Variants in WAC observed in about 807,000 individuals in gnomAD.
WAC encodes the protein WW domain containing adaptor with coiled-coil.
In WAC, 11 loss-of-function variants were observed where a neutral mutation model predicts 79.6. That is an observed-to-expected ratio of 0.14 (90% CI 0.09 to 0.23). The LOEUF is 0.23. WAC is among the 10% of genes least tolerant of loss of function. The pLI, the probability that WAC is intolerant of heterozygous loss-of-function variation, is 1.00. For missense variants in WAC, 728 were observed against 773.5 expected, an observed-to-expected ratio of 0.94 and a Z score of 0.70; for synonymous variants, 304 against 276.9, an observed-to-expected ratio of 1.10 and a Z score of -0.97.
intron 9 of WAC, 105 bp from the exon 10 acceptor site, chr10:28,611,669 G>A (rs1841244186): frequency 7.1e-7 from 1 of 1,404,276 alleles, no homozygotes; most frequent in Middle Eastern, 2.1e-4. Context: ...GGGGGTGGGG[G>A]GGTTTAGAGT....
intron 7 of WAC, among the ~76,000 whole-genome samples, chr10:28,607,204 G>C (rs1564415897): frequency 6.6e-6 from 1 of 152,086 alleles, no homozygotes; most frequent in African/African-American, 2.4e-5. Context: ...CATCTGCTTG[G>C]TGTTATGGAT....
chr10:28,556,591 T>C (rs1838010383), intron 3 of WAC, among the ~76,000 whole-genome samples: 1 of 152,112 alleles, frequency 6.6e-6, no homozygotes, highest in Admixed American at 6.5e-5. Flanking sequence ...TTTGCTTTTG[T>C]TGCCTGTGCC....
chr10:28,595,345 A>C (rs1395706962), intron 6 of WAC, among the ~76,000 whole-genome samples: 13 of 152,228 alleles, frequency 8.5e-5, no homozygotes, highest in Admixed American at 7.9e-4. Context: ...GTAGTGTAAA[A>C]GAACGAAGCA....
intron 3 of WAC, among the ~76,000 whole-genome samples, chr10:28,547,665 C>T (rs1382589107): frequency 6.6e-6 from 1 of 151,786 alleles, no homozygotes; most frequent in Non-Finnish European, 1.5e-5. Context: ...AATCATTTAT[C>T]CTTTAATTTT....
intron 4 of WAC, among the ~76,000 whole-genome samples, chr10:28,584,984 C>T (rs563148683): frequency 6.6e-5 from 10 of 152,260 alleles, no homozygotes; most frequent in Admixed American, 3.9e-4. Context: ...AGGAGAATTA[C>T]TTGAACCTGG....
At chr10:28,564,502 G>T (rs1176716166) in intron 3 of WAC, among the ~76,000 whole-genome samples, 1 of 152,142 alleles carries the variant, frequency 6.6e-6, no homozygotes, top group African/African-American at 2.4e-5. Context: ...ATACTGAGGA[G>T]CAGTGACAAA....
chr10:28,613,496 G>T (rs1384638706), intron 10 of WAC, among the ~76,000 whole-genome samples: 4 of 152,072 alleles, frequency 2.6e-5, no homozygotes, highest in Non-Finnish European at 5.9e-5. Context: ...ACCAGACTAA[G>T]ACCCTGTCTG....
intron 3 of WAC, among the ~76,000 whole-genome samples, chr10:28,568,547 A>AT (rs58275883): frequency 5.2e-4 from 77 of 147,172 alleles, no homozygotes; most frequent in East Asian, 3.4e-3. Context: ...TGCCAGGCTA[A>AT]TTTTTTTTTT....
At chr10:28,536,695 G>C (rs1052628111) in intron 3 of WAC, among the ~76,000 whole-genome samples, 1 of 152,152 alleles carries the variant, frequency 6.6e-6, no homozygotes, top group Non-Finnish European at 1.5e-5. Flanking sequence ...AGCTCTTTGT[G>C]GTAGGAGTCT....
intron 3 of WAC, among the ~76,000 whole-genome samples, chr10:28,538,686 T>C (rs966188566): frequency 2.6e-4 from 39 of 151,286 alleles, no homozygotes; most frequent in African/African-American, 9.2e-4. Flanking sequence ...AGCCAGGAGT[T>C]TGAGACTAGC....
intron 7 of WAC, among the ~76,000 whole-genome samples, chr10:28,596,313 G>A (rs2132711934): frequency 6.6e-6 from 1 of 152,272 alleles, no homozygotes; most frequent in South Asian, 2.1e-4. Context: ...ATTTGTTAAA[G>A]TCAAGTAACT....
chr10:28,598,871 A>T (rs1237308509), intron 7 of WAC, among the ~76,000 whole-genome samples: 2 of 152,238 alleles, frequency 1.3e-5, no homozygotes, highest in Non-Finnish European at 2.9e-5. Flanking sequence ...TTAAACTTGT[A>T]GGAAGAAACT....
chr10:28,537,538 C>G (rs1171334321), intron 3 of WAC: 1 of 152,190 alleles, frequency 6.6e-6, no homozygotes, highest in Non-Finnish European at 1.5e-5. Flanking sequence ...GTTATAAATG[C>G]TTTCAATCAT....
At position 28,616,277 on chromosome 10, in the gene WAC, C is replaced by T. The variant is rs765316377; in HGVS notation, c.1661C>T (p.Ser554Leu). 10 of 1,614,008 alleles carry T rather than the reference C, an allele frequency of 6.2e-6. No individual in the cohort carries two copies. The highest frequency in any genetic ancestry group is 8.5e-6 in the Non-Finnish European group (10 of 1,179,952). Residue 554 changes from serine to leucine, a missense_variant, in exon 12 of 14, where the codon TCA becomes TTA. Ser to Leu is a moderately radical substitution (Grantham distance 145). Coordinates refer to ENST00000354911, the MANE Select transcript of WAC (RefSeq NM_016628.5). ...PQNSSARSTCSLTPALAAHFS... is the reference protein window; with the variant it reads ...PQNSSARSTCLLTPALAAHFS... ...AATTCTTCTGCCCGATCCACGTGTTCATTAACGCCTGCACTAGCAGCACAC... is the reference window on the plus strand; with the variant it reads ...AATTCTTCTGCCCGATCCACGTGTTTATTAACGCCTGCACTAGCAGCACAC...
intron 3 of WAC, among the ~76,000 whole-genome samples, chr10:28,572,451 C>CA: frequency 6.6e-6 from 1 of 151,716 alleles, no homozygotes; most frequent in Admixed American, 6.6e-5. Context: ...GCTGAGAAAT[C>CA]AAACATGACC....
rs116762614 is a variant in WAC at position 28,536,263 on chromosome 10, G to A, written c.274+506G>A. 5.9e-3 allele frequency among the ~76,000 whole-genome samples: 887 copies of A among 150,944 alleles called. 10 individuals carry two copies. Among genetic ancestry groups the A allele is most frequent in the African/African-American group, 0.021 (850 of 41,100 alleles). On this transcript the variant is annotated intron_variant, in intron 3 of 13. Transcript: ENST00000354911. ...ACTCCATTAAAAAAAAAAAAAAAGC[G>A]GACTTTAGTGTTTAATAATAAGGGA...
chr10:28,563,719 A>G (rs1231489680), intron 3 of WAC, among the ~76,000 whole-genome samples: 1 of 142,914 alleles, frequency 7.0e-6, no homozygotes, highest in Non-Finnish European at 1.5e-5. Context: ...AGCTGGGACT[A>G]CAAGTGCATG....
chr10:28,559,599 CAAG>C (rs1838197192), intron 3 of WAC, among the ~76,000 whole-genome samples: 3 of 152,138 alleles, frequency 2.0e-5, no homozygotes, highest in Admixed American at 1.3e-4. Flanking sequence ...GACAAGGAAA[CAAG>C]GAGTGGGCTG....
chr10:28,551,417 T>C (rs1837661395), intron 3 of WAC, among the ~76,000 whole-genome samples: 1 of 152,204 alleles, frequency 6.6e-6, no homozygotes, highest in Non-Finnish European at 1.5e-5. Flanking sequence ...AACTATGACT[T>C]TTACAAGTAA....
Sources: allele counts gnomAD v4.1 joint callset (sites outside exome capture counted in the v4.1 genomes callset), GRCh38; gene constraint gnomAD v4.1.1; transcripts MANE v1.5; gene names NCBI Gene and HGNC (gene_info 2026-07-23, HGNC 2026-07-21).